RBFOX1: variants seen among roughly 807,000 people sequenced by gnomAD.
The protein encoded by RBFOX1 is RNA binding protein fox-1 homolog 1.
In RBFOX1, 8 loss-of-function variants were observed where a neutral mutation model predicts 57.7. The ratio of observed to expected loss-of-function variants is 0.14; its 90% CI spans 0.08 to 0.25. The LOEUF (loss-of-function observed/expected upper bound fraction) is 0.25. Among genes scored for constraint, RBFOX1 ranks in the 10% least tolerant of loss-of-function variants. The pLI, the probability that RBFOX1 is intolerant of heterozygous loss-of-function variation, is 1.00. For missense variants in RBFOX1, 611 were observed against 548.5 expected (o/e 1.11, Z -1.14); for synonymous variants, 326 against 222.4 (o/e 1.47, Z -4.15).
At chr16:7,279,413 C>T (rs141800280) in intron 4 of RBFOX1, among the ~76,000 whole-genome samples, 3 of 152,288 alleles carry the variant, frequency 2.0e-5, no homozygotes, top group Non-Finnish European at 4.4e-5. Context: ...GTGCGTAAGC[C>T]AGGCTTTCTG....
At chr16:6,065,859 G>A (rs1446168213) in intron 1 of RBFOX1, among the ~76,000 whole-genome samples, 1 of 152,134 alleles carries the variant, frequency 6.6e-6, no homozygotes, top group Non-Finnish European at 1.5e-5. Flanking sequence ...AGTCCTTGGG[G>A]TCTGGATTTT....
At chr16:7,576,081 T>G (rs1164013906) in intron 5 of RBFOX1, among the ~76,000 whole-genome samples, 1 of 148,556 alleles carries the variant, frequency 6.7e-6, no homozygotes, top group East Asian at 2.0e-4. Flanking sequence ...GGCAGGCACA[T>G]GGCCATGATC....
At chr16:6,170,227 C>G (rs896605303) in intron 1 of RBFOX1, among the ~76,000 whole-genome samples, 2 of 152,104 alleles carry the variant, frequency 1.3e-5, no homozygotes, top group African/African-American at 4.8e-5. Context: ...TAATGAGAGA[C>G]TATGAAAGCC....
At chr16:6,805,619 C>G (rs2086578944) in intron 3 of RBFOX1, among the ~76,000 whole-genome samples, 1 of 150,040 alleles carries the variant, frequency 6.7e-6, no homozygotes, top group Non-Finnish European at 1.5e-5. Flanking sequence ...TCAAATTATT[C>G]CTGGTATCTC....
At chr16:5,535,425 C>G (rs972123208) in intron 2 of RBFOX1, among the ~76,000 whole-genome samples, 5 of 152,138 alleles carry the variant, frequency 3.3e-5, no homozygotes, top group Admixed American at 3.3e-4. Flanking sequence ...GGGATAGGCA[C>G]AGGATAAAAG....
At chr16:7,686,875 C>G (rs1275571576) in intron 14 of RBFOX1, among the ~76,000 whole-genome samples, 2 of 152,022 alleles carry the variant, frequency 1.3e-5, no homozygotes, top group African/African-American at 2.4e-5. Context: ...GGGAACTGTT[C>G]AAGGTCTCCA....
At chr16:6,121,885 G>C (rs1467299539) in intron 1 of RBFOX1, among the ~76,000 whole-genome samples, 1 of 152,152 alleles carries the variant, frequency 6.6e-6, no homozygotes, top group Non-Finnish European at 1.5e-5. Flanking sequence ...AGAGTTAGTA[G>C]TCAATGACTC....
intron 4 of RBFOX1, among the ~76,000 whole-genome samples, chr16:7,479,308 T>G (rs2063403611): frequency 6.6e-6 from 1 of 151,874 alleles, no homozygotes; most frequent in Non-Finnish European, 1.5e-5. Flanking sequence ...ATTGTATAGT[T>G]TTGTAGAGAT....
At chr16:7,598,591 C>T (rs1247848648) in intron 9 of RBFOX1, among the ~76,000 whole-genome samples, 1 of 152,118 alleles carries the variant, frequency 6.6e-6, no homozygotes, top group Non-Finnish European at 1.5e-5. Context: ...TCCCCCCTCA[C>T]AGGAAGCCGC....
intron 4 of RBFOX1, among the ~76,000 whole-genome samples, chr16:7,434,522 A>T (rs77994342): frequency 2.0e-5 from 3 of 152,004 alleles, no homozygotes; most frequent in African/African-American, 4.8e-5. Flanking sequence ...TCATCAGGAG[A>T]TGAGGAGATG....
intron 3 of RBFOX1, among the ~76,000 whole-genome samples, chr16:5,828,327 A>C (rs144182292): frequency 1.2e-3 from 181 of 152,318 alleles, no homozygotes; most frequent in African/African-American, 4.2e-3. Context: ...AAAGGGAATA[A>C]ACATGGTATT....
At chr16:5,719,115 A>G (rs2051831299) in intron 3 of RBFOX1, among the ~76,000 whole-genome samples, 1 of 152,156 alleles carries the variant, frequency 6.6e-6, no homozygotes, top group Non-Finnish European at 1.5e-5. Flanking sequence ...TTTGTTGAAT[A>G]CATTTTATCC....
chr16:7,240,583 C>T (rs915279219), intron 4 of RBFOX1, among the ~76,000 whole-genome samples: 6 of 152,112 alleles, frequency 3.9e-5, no homozygotes, highest in Non-Finnish European at 8.8e-5. Flanking sequence ...GAGACAGGGT[C>T]TCACTTTGTC....
intron 14 of RBFOX1, among the ~76,000 whole-genome samples, chr16:7,703,187 G>C (rs1225380102): frequency 6.6e-6 from 1 of 152,168 alleles, no homozygotes; most frequent in African/African-American, 2.4e-5. Context: ...AAATACTTAA[G>C]ACTATGCCTT....
intron 4 of RBFOX1, among the ~76,000 whole-genome samples, chr16:7,503,029 A>C (rs549888091): frequency 6.6e-6 from 1 of 152,228 alleles, no homozygotes; most frequent in African/African-American, 2.4e-5. Context: ...TCTCAAAAAA[A>C]ATAAATAAAT....
intron 3 of RBFOX1, among the ~76,000 whole-genome samples, chr16:5,789,136 G>T (rs1458526077): frequency 2.0e-5 from 3 of 152,218 alleles, no homozygotes; most frequent in Non-Finnish European, 4.4e-5. Context: ...GCCTGTCTGT[G>T]TAAGGAGGAT....
Position 7,029,362 on chromosome 16 carries a change from G to A in RBFOX1, c.-15-22695G>A, listed in dbSNP as rs116555288. Among the ~76,000 whole-genome samples the A allele has an allele frequency of 1.1e-3, 158 of 149,364 alleles. 2 individuals are homozygous for A. Among genetic ancestry groups the A allele is most frequent in the African/African-American group, 3.5e-3 (141 of 40,142 alleles). ...AGAGATTGGAAAGCTCTTTGGCCCT[G>A]ATAGAAGAAAGCTGATGCGTCACAC... On this transcript the variant is annotated intron_variant, in intron 3 of 15. Transcript: ENST00000550418.
At chr16:7,339,214 C>T (rs1420437669) in intron 4 of RBFOX1, among the ~76,000 whole-genome samples, 1 of 152,160 alleles carries the variant, frequency 6.6e-6, no homozygotes, top group African/African-American at 2.4e-5. Flanking sequence ...CTTGCAAAGT[C>T]ACTGTGAGTT....
At chr16:6,117,041 A>G (rs1162476792) in intron 1 of RBFOX1, among the ~76,000 whole-genome samples, 2 of 152,152 alleles carry the variant, frequency 1.3e-5, no homozygotes, top group Non-Finnish European at 2.9e-5. Context: ...CAAGATTTAA[A>G]ATTCCTCTGC....
Sources: allele counts gnomAD v4.1 joint callset (sites outside exome capture counted in the v4.1 genomes callset), GRCh38; gene constraint gnomAD v4.1.1; transcripts MANE v1.5; gene names NCBI Gene and HGNC (gene_info 2026-07-23, HGNC 2026-07-21).